GAK: variants seen among roughly 807,000 people sequenced by gnomAD.
GAK encodes the protein cyclin G associated kinase, also known as cyclin-G-associated kinase.
In GAK, 79 loss-of-function variants were observed where a neutral mutation model predicts 143.9. That is an observed-to-expected ratio of 0.55 (90% CI 0.46 to 0.66). GAK has a LOEUF of 0.66. GAK is among the 30% of genes least tolerant of loss of function. The probability of loss-of-function intolerance (pLI) is 0.00; values close to 1 mark genes in which losing one functional copy is unlikely to be tolerated. For synonymous variants in GAK, 881 were observed against 765.5 expected (o/e 1.15, Z -2.49); for missense variants, 1,693 against 1,779.7 (o/e 0.95, Z 0.88).
In GAK at chr4:867,130, C is replaced by A. The variant is rs1347763993; in HGVS notation, c.2698G>T (p.Ala900Ser). ...VGAGPAVPPQACKAPSSNTDL... is the reference protein window; with the variant it reads ...VGAGPAVPPQSCKAPSSNTDL... ...GTGTTGCTGGAGGGGGCCTTGCAGG[C>A]CTGCGGGGGTACAGCTGGCCCTGCG... Residue 900 changes from alanine to serine, a missense_variant, in exon 21 of 28, where the codon GCC becomes TCC. Transcript: ENST00000314167. 6.3e-7 allele frequency: 1 copy of A among 1,585,714 alleles called. No individual in the cohort carries two copies. Among genetic ancestry groups the A allele is most frequent in the Non-Finnish European group, 8.6e-7 (1 of 1,162,806 alleles).
intron 1 of GAK, among the ~76,000 whole-genome samples, chr4:922,800 T>C (rs914458977): frequency 6.6e-6 from 1 of 152,196 alleles, no homozygotes; most frequent in Admixed American, 6.5e-5. Flanking sequence ...ACTGCACTCT[T>C]AAACATTTAT....
At chr4:919,663 A>G (rs1014248519) in intron 1 of GAK, among the ~76,000 whole-genome samples, 6 of 152,092 alleles carry the variant, frequency 3.9e-5, no homozygotes, top group Non-Finnish European at 7.4e-5. Flanking sequence ...GCCTTCCCTA[A>G]TGCACCTGCC....
intron 20 of GAK, 118 bp downstream of exon 20, chr4:868,421 G>T: frequency 1.0e-6 from 1 of 972,912 alleles, no homozygotes; most frequent in Non-Finnish European, 1.5e-6. Flanking sequence ...CAGCCCCACT[G>T]AGGTGCAACT....
chr4:929,686 T>TC (rs1725368527), intron 1 of GAK, among the ~76,000 whole-genome samples: 1 of 102,956 alleles, frequency 9.7e-6, no homozygotes, highest in South Asian at 4.0e-4. Flanking sequence ...GTCTCTTAAA[T>TC]TAAAAAAAAA....
At chr4:896,653 G>T in intron 6 of GAK, 104 bp from the exon 7 acceptor site, 1 of 871,876 alleles carries the variant, frequency 1.1e-6, no homozygotes, top group South Asian at 1.4e-5. Context: ...GCAGACTGAG[G>T]GGCAGCCTGT....
intron 23 of GAK, among the ~76,000 whole-genome samples, chr4:863,429 G>A (rs1750636621): frequency 6.6e-6 from 1 of 152,238 alleles, no homozygotes; most frequent in African/African-American, 2.4e-5. Context: ...CACAGCAGTG[G>A]CAGGTTTGGG....
chr4:903,912 A>G (rs1720540786), intron 5 of GAK, among the ~76,000 whole-genome samples: 1 of 152,224 alleles, frequency 6.6e-6, no homozygotes, highest in Admixed American at 6.5e-5. Context: ...AGGCGGGGCC[A>G]TCCCGGGATC....
intron 24 of GAK, among the ~76,000 whole-genome samples, chr4:858,319 T>G (rs1052123554): frequency 6.6e-6 from 1 of 152,152 alleles, no homozygotes; most frequent in East Asian, 1.9e-4. Flanking sequence ...CTTCCAGAAT[T>G]GCTGTCTTCC....
intron 2 of GAK, 127 bp downstream of exon 2, chr4:913,480 G>C (rs577019752): frequency 6.6e-6 from 5 of 755,730 alleles, no homozygotes; most frequent in Non-Finnish European, 1.1e-5. Flanking sequence ...AAGCAAAAGG[G>C]ACAAGTATGT....
At position 881,974 on chromosome 4, in the gene GAK, C is replaced by T. The variant is rs778175840; in HGVS notation, c.1594G>A (p.Ala532Thr). 8 of 1,603,198 alleles carry T rather than the reference C, an allele frequency of 5.0e-6. No individual in the cohort carries two copies. Among genetic ancestry groups the T allele is most frequent in the African/African-American group, 1.3e-5 (1 of 74,920 alleles). The change falls in exon 15 of 28, where the codon GCG becomes ACG. Residue 532 changes from alanine to threonine, a missense_variant. Ala to Thr is a moderately conservative substitution (Grantham distance 58). This residue lies in a region of GAK where 871 missense variants were observed against 991.0 expected (regional missense o/e 0.88). Coordinates refer to ENST00000314167, the MANE Select transcript of GAK (RefSeq NM_005255.4). ...FLCFCRLFST[A>T]EAAVYMFSMK... ...CTGAACATGTACACGGCGGCCTCCG[C>T]GGTGCTGAAGAGACGGCAGAAGCAC... is the stretch of plus-strand genomic sequence containing the variant.
chr4:928,925 G>A (rs749331200), intron 1 of GAK, among the ~76,000 whole-genome samples: 5 of 152,084 alleles, frequency 3.3e-5, no homozygotes, highest in East Asian at 3.9e-4. Context: ...CACCACACCC[G>A]GCTAATTTTG....
Position 849,520 on chromosome 4 carries a change from G to A in GAK, c.*153C>T, listed in dbSNP as rs1747675073. On this transcript the variant is annotated 3_prime_UTR_variant, in exon 28 of 28. Transcript: ENST00000314167. ...AGGCTTTGGAATGCTTTCTCTTCAT[G>A]TGCCTGGAACGCTGGGCGGGCGGTG... 4 of 610,376 alleles carry A rather than the reference G, an allele frequency of 6.6e-6. No individual in the cohort carries two copies. Among genetic ancestry groups the A allele is most frequent in the Non-Finnish European group, 1.2e-5 (4 of 334,788 alleles). The allele number at this position is 610,376 out of a possible 1,614,324, so 37.8% of individuals were successfully genotyped here.
At chr4:931,869 G>A (rs894738971) in intron 1 of GAK, among the ~76,000 whole-genome samples, 174 bp downstream of exon 1, 1 of 152,116 alleles carries the variant, frequency 6.6e-6, no homozygotes, top group African/African-American at 2.4e-5. Context: ...ACCTTCGCCT[G>A]GCCCTGACCC....
chr4:888,574 G>C lies in GAK; in HGVS notation c.1205+273C>G, dbSNP rs1202398266. On this transcript the variant is annotated intron_variant, in intron 11 of 27. Transcript: ENST00000314167. ...CAAGCCAGGAACGCCCCAGAGTGAG[G>C]GGCGACATTGCAGCAAGGGAGGGGA... 7 of 455,340 alleles carry C rather than the reference G, an allele frequency of 1.5e-5. No homozygotes were observed. The East Asian group carries it at 2.9e-4, about 19-fold the overall frequency. The allele number at this position is 455,340 out of a possible 1,614,324, so 28.2% of individuals were successfully genotyped here.
chr4:897,931 G>A (rs2152881680), intron 6 of GAK, 102 bp downstream of exon 6: 8 of 1,342,154 alleles, frequency 6.0e-6, no homozygotes, highest in East Asian at 5.3e-5. Context: ...CCTGGTGACA[G>A]AGCGAGACTC....
chr4:891,734 T>G (rs1477501381), intron 9 of GAK, among the ~76,000 whole-genome samples: 1 of 152,120 alleles, frequency 6.6e-6, no homozygotes, highest in Non-Finnish European at 1.5e-5. Flanking sequence ...CACTGTCCTC[T>G]GTGACCTCCG....
intron 11 of GAK, chr4:888,282 G>A (rs989477655): frequency 6.6e-6 from 1 of 152,498 alleles, no homozygotes; most frequent in African/African-American, 2.4e-5. Flanking sequence ...CCTCAGAAGA[G>A]CCAGCGCATG....
chr4:890,473 G>C, intron 10 of GAK, 59 bp downstream of exon 10: 4 of 1,321,908 alleles, frequency 3.0e-6, no homozygotes, highest in Non-Finnish European at 4.2e-6. Context: ...ATGTGCTGCG[G>C]GTGCCCGGGG....
At chr4:898,819 C>A (rs375090712) in intron 5 of GAK, among the ~76,000 whole-genome samples, 1 of 151,948 alleles carries the variant, frequency 6.6e-6, no homozygotes, top group Non-Finnish European at 1.5e-5. Context: ...ACCGAGATTG[C>A]GCCGCTGCAC....
Sources: gnomAD v4.1 joint callset for allele counts (sites outside exome capture counted in the v4.1 genomes callset) on GRCh38, gnomAD v4.1.1 for gene constraint, gnomAD v4.1.1 regional missense constraint, MANE v1.5 for transcripts, NCBI Gene and HGNC (gene_info 2026-07-23, HGNC 2026-07-21) for gene names.